Variants in SNTG1 observed in about 807,000 individuals in gnomAD.
The protein encoded by SNTG1 is syntrophin gamma 1.
Under a neutral mutation model 74.7 loss-of-function variants are expected in SNTG1, and 39 were observed. The ratio of observed to expected loss-of-function variants is 0.52; its 90% CI spans 0.40 to 0.68. SNTG1 has a LOEUF of 0.68. SNTG1 is among the 30% of genes least tolerant of loss of function. The pLI is 0.00. For missense variants in SNTG1, 685 were observed against 609.5 expected, an observed-to-expected ratio of 1.12 and a Z score of -1.30; for synonymous variants, 254 against 217.1, an observed-to-expected ratio of 1.17 and a Z score of -1.49.
chr8:50,503,534 T>C (rs1250611318), intron 9 of SNTG1, among the ~76,000 whole-genome samples: 1 of 152,164 alleles, frequency 6.6e-6, no homozygotes, highest in Non-Finnish European at 1.5e-5. Flanking sequence ...TCCCAGTAAA[T>C]AACAGCCCAG....
chr8:50,093,922 T>C (rs891881384), intron 1 of SNTG1, among the ~76,000 whole-genome samples: 2 of 152,156 alleles, frequency 1.3e-5, no homozygotes, highest in Admixed American at 1.3e-4. Context: ...GATTCTAGTG[T>C]GGTTAACTTG....
At chr8:50,546,451 A>G (rs140281424) in intron 11 of SNTG1, among the ~76,000 whole-genome samples, 5,693 of 151,966 alleles carry the variant, frequency 0.037, 120 homozygotes, top group Middle Eastern at 0.11. Flanking sequence ...TTACACATGT[A>G]TACATGTGCC....
chr8:50,331,995 A>G (rs553399271), intron 2 of SNTG1, among the ~76,000 whole-genome samples: 1 of 152,224 alleles, frequency 6.6e-6, no homozygotes, highest in Non-Finnish European at 1.5e-5. Context: ...TTATAGTATC[A>G]GCAAATGGAA....
chr8:50,654,294 T>A (rs1243386271), intron 13 of SNTG1, among the ~76,000 whole-genome samples: 1 of 152,158 alleles, frequency 6.6e-6, no homozygotes, highest in Admixed American at 6.6e-5. Flanking sequence ...TCTCCAATCA[T>A]CATTCTAGAC....
At chr8:50,480,576 TTA>T in intron 8 of SNTG1, among the ~76,000 whole-genome samples, 1 of 152,266 alleles carries the variant, frequency 6.6e-6, no homozygotes, top group African/African-American at 2.4e-5. Flanking sequence ...GCTGAAATAA[TTA>T]GAGTAGTATT....
chr8:50,000,813 A>C (rs553503722), intron 1 of SNTG1, among the ~76,000 whole-genome samples: 1 of 152,354 alleles, frequency 6.6e-6, no homozygotes, highest in Admixed American at 6.5e-5. Flanking sequence ...TCTGGACAAG[A>C]GGTTATCCTT....
intron 15 of SNTG1, among the ~76,000 whole-genome samples, chr8:50,688,609 G>T (rs1428875881): frequency 1.3e-5 from 2 of 152,052 alleles, no homozygotes; most frequent in Non-Finnish European, 2.9e-5. Flanking sequence ...CTGTTCCATT[G>T]GTCTCTATCT....
chr8:50,059,487 A>G (rs1820299386), intron 1 of SNTG1, among the ~76,000 whole-genome samples: 1 of 152,066 alleles, frequency 6.6e-6, no homozygotes, highest in African/African-American at 2.4e-5. Flanking sequence ...ACCTCTAAAC[A>G]TTACCCTCCC....
chr8:50,411,036 C>T (rs2092941646), intron 4 of SNTG1, among the ~76,000 whole-genome samples: 1 of 152,056 alleles, frequency 6.6e-6, no homozygotes, highest in Non-Finnish European at 1.5e-5. Context: ...CAGTTTAATC[C>T]CGTTTTTACA....
chr8:50,033,019 T>A (rs950938745), intron 1 of SNTG1, among the ~76,000 whole-genome samples: 7 of 152,156 alleles, frequency 4.6e-5, no homozygotes, highest in East Asian at 1.9e-4. Context: ...GTTTTTTTTT[T>A]AAATCTTGGG....
chr8:50,330,809 C>A (rs1048771338), intron 2 of SNTG1, among the ~76,000 whole-genome samples: 12 of 152,092 alleles, frequency 7.9e-5, no homozygotes, highest in Non-Finnish European at 1.6e-4. Context: ...GAGGAACTGA[C>A]AAACACTTAT....
intron 1 of SNTG1, among the ~76,000 whole-genome samples, chr8:50,048,997 A>T (rs1819334974): frequency 6.6e-6 from 1 of 152,074 alleles, no homozygotes; most frequent in Admixed American, 6.6e-5. Context: ...AAACCACTCA[A>T]AAAAGTTAAA....
intron 2 of SNTG1, among the ~76,000 whole-genome samples, chr8:50,254,896 C>A (rs1474464287): frequency 1.3e-5 from 2 of 148,528 alleles, no homozygotes; most frequent in African/African-American, 5.0e-5. Flanking sequence ...GCTGCTGAGT[C>A]TCTTGCGCAA....
intron 1 of SNTG1, among the ~76,000 whole-genome samples, chr8:50,023,707 T>G (rs1817023573): frequency 6.6e-6 from 1 of 152,174 alleles, no homozygotes; most frequent in Non-Finnish European, 1.5e-5. Flanking sequence ...CAAAGACTCC[T>G]GCTGCCCCAG....
chr8:50,077,529 T>C (rs1342459551), intron 1 of SNTG1, among the ~76,000 whole-genome samples: 5 of 152,210 alleles, frequency 3.3e-5, no homozygotes, highest in South Asian at 2.1e-4. Context: ...TTCTGAGATA[T>C]ATATAGTCAA....
intron 13 of SNTG1, among the ~76,000 whole-genome samples, chr8:50,636,133 A>G (rs1200334637): frequency 6.6e-6 from 1 of 151,028 alleles, no homozygotes; most frequent in East Asian, 2.0e-4. Context: ...GGTGACTACT[A>G]TGACTGAGCT....
intron 12 of SNTG1, among the ~76,000 whole-genome samples, chr8:50,574,974 A>G (rs1191324964): frequency 6.6e-6 from 1 of 152,136 alleles, no homozygotes; most frequent in Non-Finnish European, 1.5e-5. Flanking sequence ...GTTTTAATCT[A>G]TTGATGTTTG....
chr8:50,403,432 G>A (rs1223756318), intron 4 of SNTG1, among the ~76,000 whole-genome samples: 1 of 152,162 alleles, frequency 6.6e-6, no homozygotes, highest in Non-Finnish European at 1.5e-5. Context: ...TGTCAAGGCT[G>A]ATTAAACTGT....
At chr8:50,403,149 GTAGT>G (rs2092827902) in intron 4 of SNTG1, among the ~76,000 whole-genome samples, 1 of 152,188 alleles carries the variant, frequency 6.6e-6, no homozygotes. Flanking sequence ...ACAGTAGCAT[GTAGT>G]CTGCTCCCTG....
Sources: gnomAD v4.1 joint callset for allele counts (sites outside exome capture counted in the v4.1 genomes callset) on GRCh38, gnomAD v4.1.1 for gene constraint, MANE v1.5 for transcripts, NCBI Gene and HGNC (gene_info 2026-07-23, HGNC 2026-07-21) for gene names.